The following TMEM116 variants were observed in gnomAD, a reference collection of about 807,000 sequenced individuals.
TMEM116 encodes transmembrane protein 116.
A neutral mutation model predicts 44.3 loss-of-function variants in TMEM116; 38 were observed. That is an observed-to-expected ratio of 0.86 (90% CI 0.66 to 1.12). The LOEUF (loss-of-function observed/expected upper bound fraction) is 1.12. TMEM116 is among the 50% of genes most tolerant of loss of function. TMEM116 has a pLI of 0.00. For synonymous variants in TMEM116, 132 were observed against 144.8 expected, an observed-to-expected ratio of 0.91 and a Z score of 0.64; for missense variants, 354 against 401.7, an observed-to-expected ratio of 0.88 and a Z score of 1.01.
chr12:111,938,932 G>A (rs780060073), intron 5 of TMEM116, among the ~76,000 whole-genome samples: 7 of 152,126 alleles, frequency 4.6e-5, no homozygotes, highest in Non-Finnish European at 8.8e-5. Flanking sequence ...GGATCAATAA[G>A]CATTAAGTGA....
intron 8 of TMEM116, 194 bp downstream of exon 8, chr12:111,936,498 T>C: frequency 1.8e-6 from 1 of 541,974 alleles, no homozygotes; most frequent in Non-Finnish European, 3.2e-6. Flanking sequence ...CTCTTTTCTC[T>C]CTCTTATCAT....
chr12:112,003,449 TC>T (rs1565971602), intron 3 of TMEM116: 1 of 171,272 alleles, frequency 5.8e-6, no homozygotes, highest in Non-Finnish European at 1.2e-5. Context: ...GTGCCTGTAG[TC>T]CCAGCTACTC....
intron 4 of TMEM116, among the ~76,000 whole-genome samples, chr12:111,956,273 T>C (rs939553723): frequency 8.5e-5 from 13 of 152,168 alleles, no homozygotes; most frequent in Non-Finnish European, 1.9e-4. Flanking sequence ...TGAACAAATC[T>C]CATTCTAATT....
chr12:111,993,999 C>A (rs1215098097), intron 3 of TMEM116: 3 of 566,648 alleles, frequency 5.3e-6, no homozygotes, highest in African/African-American at 3.7e-5. Flanking sequence ...TCTACTTCAG[C>A]CTCCCTTGCC....
chr12:112,000,784 T>C, intron 3 of TMEM116: 1 of 533,352 alleles, frequency 1.9e-6, no homozygotes, highest in Non-Finnish European at 3.8e-6. Context: ...TTTACTATTA[T>C]CAATGGCATT....
At chr12:111,969,437 C>T (rs1312512294) in intron 4 of TMEM116, among the ~76,000 whole-genome samples, 3 of 151,564 alleles carry the variant, frequency 2.0e-5, no homozygotes, top group Non-Finnish European at 4.4e-5. Flanking sequence ...CTCTGTTGCC[C>T]AGGCTGGAGC....
intron 4 of TMEM116, among the ~76,000 whole-genome samples, chr12:111,972,701 A>G (rs2075419991): frequency 6.6e-6 from 1 of 152,142 alleles, no homozygotes; most frequent in Non-Finnish European, 1.5e-5. Context: ...CAAAATGGTG[A>G]AACCCCGTCT....
At chr12:111,934,091 T>C in intron 8 of TMEM116, 61 bp from the exon 9 acceptor site, 1 of 1,552,598 alleles carries the variant, frequency 6.4e-7, no homozygotes. Context: ...CCCAGGTCTA[T>C]CCTCCTATCA....
intron 4 of TMEM116, among the ~76,000 whole-genome samples, chr12:111,943,710 T>G (rs906503096): frequency 2.0e-5 from 3 of 152,290 alleles, no homozygotes; most frequent in Non-Finnish European, 4.4e-5. Flanking sequence ...AATTTTATTG[T>G]ATTTTTGGTA....
At chr12:112,010,158 C>T (rs925289569) in intron 1 of TMEM116, among the ~76,000 whole-genome samples, 1 of 152,226 alleles carries the variant, frequency 6.6e-6, no homozygotes, top group African/African-American at 2.4e-5. Flanking sequence ...ATTCCCGTAT[C>T]TGCTCCTTTT....
Position 111,972,319 on chromosome 12 carries a change from T to TA in TMEM116, c.210+19438dup, listed in dbSNP as rs1339533036. On this transcript the variant is annotated intron_variant, in intron 4 of 10. Coordinates refer to ENST00000552374, the MANE Select transcript of TMEM116 (RefSeq NM_001193531.2). ...AAATACTAACTGTTTATGTACCTAA[T>TA]AAAAGAGATTCAAAATACATGAAGC... Among the ~76,000 whole-genome samples, 9 of 152,130 alleles carry TA rather than the reference T, an allele frequency of 5.9e-5. 1 individual carries two copies. Among genetic ancestry groups the TA allele is most frequent in the Admixed American group, 5.9e-4 (9 of 15,278 alleles).
chr12:111,998,498 T>A (rs2077050470), intron 3 of TMEM116, among the ~76,000 whole-genome samples: 1 of 152,146 alleles, frequency 6.6e-6, no homozygotes, highest in Non-Finnish European at 1.5e-5. Flanking sequence ...TTGTGAGCAA[T>A]AACATTCTGA....
chr12:111,970,799 A>G (rs2075290242), intron 4 of TMEM116, among the ~76,000 whole-genome samples: 1 of 152,076 alleles, frequency 6.6e-6, no homozygotes, highest in African/African-American at 2.4e-5. Flanking sequence ...CGTGTTAGCC[A>G]GGATGGTCTC....
intron 9 of TMEM116, among the ~76,000 whole-genome samples, chr12:111,932,909 T>A (rs891904640): frequency 2.0e-5 from 3 of 152,188 alleles, no homozygotes; most frequent in East Asian, 3.9e-4. Flanking sequence ...AATTTATACT[T>A]CCTATCAATT....
At chr12:111,975,980 G>A (rs1363796378) in intron 4 of TMEM116, among the ~76,000 whole-genome samples, 2 of 152,072 alleles carry the variant, frequency 1.3e-5, no homozygotes, top group Non-Finnish European at 2.9e-5. Flanking sequence ...CTCCATTTAA[G>A]AAGTTTTTTT....
intron 3 of TMEM116, chr12:111,993,953 C>T (rs2076775515): frequency 1.6e-6 from 1 of 630,022 alleles, no homozygotes; most frequent in Non-Finnish European, 3.1e-6. Context: ...GGTACTCTGA[C>T]TGCACTACAG....
intron 7 of TMEM116, 111 bp downstream of exon 7, chr12:111,937,049 C>A: frequency 8.9e-7 from 1 of 1,123,776 alleles, no homozygotes; most frequent in Non-Finnish European, 1.3e-6. Context: ...TAGCCCATTT[C>A]TAATATTAGC....
Position 111,973,135 on chromosome 12 carries a change from C to T in TMEM116, c.210+18623G>A, listed in dbSNP as rs188157776. Reference sequence around the variant, plus strand: ...TCTGGCCGATAGGGTGGGACTCTGTCTCAAAAAAACAAAAAATAAATTAAA... The same window carrying T: ...TCTGGCCGATAGGGTGGGACTCTGTTTCAAAAAAACAAAAAATAAATTAAA... On this transcript the variant is annotated intron_variant, in intron 4 of 10. Transcript: ENST00000552374. Among the ~76,000 whole-genome samples, 421 of 151,924 alleles carry T rather than the reference C, an allele frequency of 2.8e-3. 1 individual carries two copies. The highest frequency in any genetic ancestry group is 3.9e-3 in the Non-Finnish European group (263 of 67,962).
chr12:111,992,661 A>T (rs964557724), intron 3 of TMEM116, among the ~76,000 whole-genome samples: 1 of 152,216 alleles, frequency 6.6e-6, no homozygotes, highest in African/African-American at 2.4e-5. Context: ...AAGTCAGGGT[A>T]AAAAGTCAGT....
Sources: gnomAD v4.1 joint callset for allele counts (sites outside exome capture counted in the v4.1 genomes callset) on GRCh38, gnomAD v4.1.1 for gene constraint, MANE v1.5 for transcripts, NCBI Gene and HGNC (gene_info 2026-07-23, HGNC 2026-07-21) for gene names.